The following TTLL11 variants were observed in gnomAD, a reference collection of about 807,000 sequenced individuals.
The protein encoded by TTLL11 is tubulin tyrosine ligase like 11.
Under a neutral mutation model 51.7 loss-of-function variants are expected in TTLL11, and 42 were observed. The observed-to-expected ratio is 0.81, with a 90% confidence interval of 0.64 to 1.05. TTLL11 has a LOEUF of 1.05. Ranked by LOEUF, TTLL11 falls within the 50% of genes least tolerant of loss-of-function variation. The probability of loss-of-function intolerance (pLI) is 0.00; values close to 1 mark genes in which losing one functional copy is unlikely to be tolerated. For synonymous variants in TTLL11, 381 were observed against 383.5 expected, an observed-to-expected ratio of 0.99 and a Z score of 0.08; for missense variants, 799 against 940.4, an observed-to-expected ratio of 0.85 and a Z score of 1.97.
chr9:122,073,227 T>C (rs1046893660), intron 1 of TTLL11, among the ~76,000 whole-genome samples: 62 of 151,926 alleles, frequency 4.1e-4, no homozygotes, highest in Non-Finnish European at 1.2e-4. Context: ...CTGGGCAACA[T>C]AGTGAAACCC....
At chr9:121,830,242 C>T (rs1301560151) in intron 8 of TTLL11, among the ~76,000 whole-genome samples, 2 of 152,184 alleles carry the variant, frequency 1.3e-5, no homozygotes, top group African/African-American at 4.8e-5. Flanking sequence ...CTTATGAAAC[C>T]GCAATGATCC....
chr9:121,830,407 C>A (rs1294906740), intron 8 of TTLL11, among the ~76,000 whole-genome samples: 2 of 152,212 alleles, frequency 1.3e-5, no homozygotes, highest in African/African-American at 4.8e-5. Flanking sequence ...CCCGCTCCTT[C>A]CCCTCCCTGC....
chr9:122,050,228 T>C (rs1845121070), intron 1 of TTLL11, among the ~76,000 whole-genome samples: 1 of 152,224 alleles, frequency 6.6e-6, no homozygotes. Context: ...TACATTGCTG[T>C]AATATGAGAC....
rs1272521948 is a variant in TTLL11, at chr9:121,820,466, A to G, written c.*2121T>C. ...GGGGCTTCAAACATTGTTTCTCACA[A>G]TGGACCATTTAGGAGCCCTGACTGC... is the stretch of plus-strand genomic sequence containing the variant. On this transcript the variant is annotated 3_prime_UTR_variant, in exon 9 of 9. Transcript: ENST00000321582. Among the ~76,000 whole-genome samples, 1 of 152,166 alleles carries G rather than the reference A, an allele frequency of 6.6e-6. No homozygotes were observed. The highest frequency in any genetic ancestry group is 1.5e-5 in the Non-Finnish European group (1 of 68,028).
At chr9:121,942,095 A>G (rs927413403) in intron 6 of TTLL11, among the ~76,000 whole-genome samples, 5 of 152,106 alleles carry the variant, frequency 3.3e-5, no homozygotes, top group African/African-American at 7.2e-5. Flanking sequence ...AATCAAATCT[A>G]TACTCTTACT....
intron 8 of TTLL11, among the ~76,000 whole-genome samples, chr9:121,831,699 C>CAAAAAAAA (rs35519622): frequency 5.2e-5 from 7 of 133,408 alleles, no homozygotes; most frequent in African/African-American, 2.0e-4. Context: ...GACTCTGTCT[C>CAAAAAAAA]AAAAAAAAAA....
At chr9:121,958,263 A>T (rs956469829) in intron 6 of TTLL11, among the ~76,000 whole-genome samples, 1 of 152,228 alleles carries the variant, frequency 6.6e-6, no homozygotes, top group African/African-American at 2.4e-5. Context: ...GTCAACCCTT[A>T]TCATTTCAGG....
At chr9:122,021,369 T>C (rs1844175561) in intron 3 of TTLL11, among the ~76,000 whole-genome samples, 2 of 152,172 alleles carry the variant, frequency 1.3e-5, no homozygotes, top group Admixed American at 6.5e-5. Flanking sequence ...GACACTTTTG[T>C]ACAGAGAACT....
At chr9:121,898,039 C>T (rs1839606742) in intron 6 of TTLL11, among the ~76,000 whole-genome samples, 2 of 152,098 alleles carry the variant, frequency 1.3e-5, no homozygotes, top group African/African-American at 2.4e-5. Flanking sequence ...ATGCCTCAGC[C>T]TCCCGAGTAG....
intron 6 of TTLL11, among the ~76,000 whole-genome samples, chr9:121,912,086 A>G (rs1588118880): frequency 6.6e-6 from 1 of 152,348 alleles, no homozygotes; most frequent in East Asian, 1.9e-4. Context: ...TGAATTGGAC[A>G]CAGTGCTCCT....
intron 1 of TTLL11, among the ~76,000 whole-genome samples, chr9:122,074,615 C>A (rs944693485): frequency 6.6e-6 from 1 of 151,648 alleles, no homozygotes; most frequent in African/African-American, 2.4e-5. Flanking sequence ...AATCAAGAGA[C>A]CATGTGCTGG....
At chr9:121,869,380 G>A (rs922602840) in intron 7 of TTLL11, among the ~76,000 whole-genome samples, 1 of 152,188 alleles carries the variant, frequency 6.6e-6, no homozygotes, top group Non-Finnish European at 1.5e-5. Context: ...ACTTTGAGGT[G>A]CAAGACAAAA....
At chr9:122,006,340 C>G (rs1490436170) in intron 3 of TTLL11, among the ~76,000 whole-genome samples, 1 of 138,894 alleles carries the variant, frequency 7.2e-6, no homozygotes, top group East Asian at 2.2e-4. Context: ...GAGACTATCT[C>G]AAAAAAAAAA....
At chr9:121,954,678 G>GCACACACA (rs71371904) in intron 6 of TTLL11, among the ~76,000 whole-genome samples, 28,167 of 149,248 alleles carry the variant, frequency 0.19, 2,964 homozygotes, top group Non-Finnish European at 0.25. Flanking sequence ...ACACACAGAC[G>GCACACACA]CACACACACA....
rs1843014277 is a variant in TTLL11 at position 121,989,028 on chromosome 9, G to A, written c.1269+167C>T. The A allele has an allele frequency of 2.0e-6, 3 of 1,490,336 alleles. No individual in the cohort carries two copies. The highest frequency in any genetic ancestry group is 4.6e-5 in the Admixed American group (2 of 43,014). The allele number at this position is 1,490,336 out of a possible 1,614,324, so 92.3% of individuals were successfully genotyped here. ...CCCCAAATCACACAGGGAGCAAACAGAAAGCTTGGAAGTTGGGCCCAGGTT... is the reference window on the plus strand; with the variant it reads ...CCCCAAATCACACAGGGAGCAAACAAAAAGCTTGGAAGTTGGGCCCAGGTT... On this transcript the variant is annotated intron_variant, in intron 4 of 8. Transcript: ENST00000321582. This position sits in a 1 kb window ranked among gnomAD's most constrained non-coding sequence, Gnocchi z 4.2.
rs117516951 is a variant in TTLL11 at position 121,984,235 on chromosome 9, T to C, written c.1269+4960A>G. Among the ~76,000 whole-genome samples, 70 of 151,090 alleles carry C rather than the reference T, an allele frequency of 4.6e-4. 1 individual carries two copies. The East Asian group carries it at 0.011, about 25-fold the overall frequency. ...AACTATACTCCTTGGAACACTTGTG[T>C]TCCTGTTAGGTTTAAAATGTGAATA... On this transcript the variant is annotated intron_variant, in intron 4 of 8. Coordinates refer to ENST00000321582, the MANE Select transcript of TTLL11 (RefSeq NM_001139442.2).
At chr9:122,025,133 CAAT>C (rs1475757661) in intron 3 of TTLL11, among the ~76,000 whole-genome samples, 1 of 151,418 alleles carries the variant, frequency 6.6e-6, no homozygotes. Context: ...TCTCAAAGCT[CAAT>C]AATAAAAATA....
chr9:121,916,631 G>A (rs1334416689), intron 6 of TTLL11, among the ~76,000 whole-genome samples: 1 of 152,194 alleles, frequency 6.6e-6, no homozygotes, highest in African/African-American at 2.4e-5. Context: ...GGCTTTCAGA[G>A]GAAGCACTTT....
At chr9:121,922,511 AC>A (rs1840580380) in intron 6 of TTLL11, among the ~76,000 whole-genome samples, 1 of 152,172 alleles carries the variant, frequency 6.6e-6, no homozygotes, top group Non-Finnish European at 1.5e-5. Context: ...GACATAAAAC[AC>A]CCAGTGACAC....
Sources: allele counts gnomAD v4.1 joint callset (sites outside exome capture counted in the v4.1 genomes callset), GRCh38; gene constraint gnomAD v4.1.1; non-coding constraint Gnocchi (gnomAD v3.1); transcripts MANE v1.5; gene names NCBI Gene and HGNC (gene_info 2026-07-23, HGNC 2026-07-21).